Variants in EVC2 observed in about 807,000 individuals in gnomAD.
EVC2 encodes limbin.
A neutral mutation model predicts 149.3 loss-of-function variants in EVC2; 148 were observed. That is an observed-to-expected ratio of 0.99 (90% confidence interval 0.87 to 1.14). The LOEUF is 1.14. Ranked by LOEUF, EVC2 falls within the 50% of genes most tolerant of loss-of-function variation. EVC2 has a pLI of 0.00. For missense variants in EVC2, 1,854 were observed against 1,627.3 expected, an observed-to-expected ratio of 1.14 and a Z score of -2.40; for synonymous variants, 776 against 649.9, an observed-to-expected ratio of 1.19 and a Z score of -2.95.
rs143017529 is a variant in EVC2, at chr4:5,658,321, T to C, written c.1145+4786A>G. ...AAGTGAACAAAGAACCTTGGATGAG[T>C]TGTTTAACTTCCCTGGGCTTCAAGT... On this transcript the variant is annotated intron_variant, in intron 9 of 21. Transcript: ENST00000344408. 2.0e-3 allele frequency among the ~76,000 whole-genome samples: 305 copies of C among 152,268 alleles called. 8 individuals are homozygous for C. The East Asian group carries it at 0.053, about 27-fold the overall frequency.
intron 7 of EVC2, among the ~76,000 whole-genome samples, chr4:5,665,910 G>A (rs1011987406): frequency 6.6e-6 from 1 of 152,108 alleles, no homozygotes; most frequent in Non-Finnish European, 1.5e-5. Context: ...CCAGCCGCAC[G>A]CCTAGCACAT....
chr4:5,564,054 G>C (rs144270708), intron 21 of EVC2, among the ~76,000 whole-genome samples: 20 of 152,042 alleles, frequency 1.3e-4, no homozygotes, highest in African/African-American at 4.1e-4. Flanking sequence ...AGCAGGGCAG[G>C]ACAAGGCCAT....
intron 17 of EVC2, among the ~76,000 whole-genome samples, chr4:5,581,043 G>GT (rs1235450168): frequency 2.0e-5 from 3 of 152,136 alleles, no homozygotes; most frequent in African/African-American, 4.8e-5. Flanking sequence ...TGCCATAATT[G>GT]TAAGTTTCCT....
At chr4:5,561,261 ACTTATGGCC>A (rs2108763774), downstream of EVC2, among the ~76,000 whole-genome samples, 1 of 152,312 alleles carries the variant, frequency 6.6e-6, no homozygotes, top group South Asian at 2.1e-4. Context: ...TTGCCCAAGA[ACTTATGGCC>A]CTTAAGTAGT....
chr4:5,641,615 G>A (rs962261774), intron 9 of EVC2, among the ~76,000 whole-genome samples: 3 of 152,030 alleles, frequency 2.0e-5, no homozygotes, highest in Admixed American at 2.0e-4. Context: ...TTTATGATAT[G>A]TTAATCATAC....
intron 21 of EVC2, among the ~76,000 whole-genome samples, chr4:5,546,706 A>G (rs1161180728): frequency 2.6e-5 from 4 of 151,494 alleles, no homozygotes; most frequent in African/African-American, 9.8e-5. Context: ...CCTAAAACTT[A>G]AAGTATAATA....
chr4:5,627,532 C>T (rs924041529), intron 12 of EVC2, among the ~76,000 whole-genome samples: 2 of 152,122 alleles, frequency 1.3e-5, no homozygotes, highest in South Asian at 2.1e-4. Flanking sequence ...TACCTAGTAG[C>T]GGAACCACAG....
intron 1 of EVC2, among the ~76,000 whole-genome samples, chr4:5,706,254 C>G (rs921099606): frequency 1.5e-4 from 22 of 150,868 alleles, no homozygotes; most frequent in Middle Eastern, 3.5e-3. Flanking sequence ...TCTCCCAGCC[C>G]CCTGCACACA....
chr4:5,545,355 A>C (rs28462096), intron 21 of EVC2, among the ~76,000 whole-genome samples: 1 of 152,356 alleles, frequency 6.6e-6, no homozygotes, highest in African/African-American at 2.4e-5. Context: ...CTTCCGAGTC[A>C]GACAGATGAG....
chr4:5,693,512 G>A (rs1553852324), intron 3 of EVC2, among the ~76,000 whole-genome samples: 1 of 152,238 alleles, frequency 6.6e-6, no homozygotes, highest in Non-Finnish European at 1.5e-5. Context: ...GCCACCAGAA[G>A]CTGGAAGAGG....
chr4:5,583,541 G>T (rs1363279992), intron 17 of EVC2, among the ~76,000 whole-genome samples: 2 of 151,958 alleles, frequency 1.3e-5, no homozygotes, highest in African/African-American at 2.4e-5. Flanking sequence ...TGGCAAGAGG[G>T]TTATCAGACT....
intron 4 of EVC2, among the ~76,000 whole-genome samples, chr4:5,689,865 C>A (rs1305656958): frequency 6.6e-6 from 1 of 152,214 alleles, no homozygotes; most frequent in Non-Finnish European, 1.5e-5. Flanking sequence ...GCGGCCCATG[C>A]AACAGGCTCA....
intron 7 of EVC2, among the ~76,000 whole-genome samples, chr4:5,678,229 T>C (rs1165823710): frequency 1.3e-5 from 2 of 152,144 alleles, no homozygotes; most frequent in Non-Finnish European, 2.9e-5. Context: ...TCTGGGAGTC[T>C]GGAATCTTGG....
downstream of EVC2, among the ~76,000 whole-genome samples, chr4:5,561,590 G>A (rs1721962032): frequency 6.6e-6 from 1 of 152,168 alleles, no homozygotes; most frequent in African/African-American, 2.4e-5. Flanking sequence ...ATGGGAAACT[G>A]CAAATAAGAC....
intron 9 of EVC2, among the ~76,000 whole-genome samples, chr4:5,658,675 G>A (rs1433611038): frequency 5.3e-5 from 8 of 152,112 alleles, no homozygotes; most frequent in Admixed American, 1.3e-4. Context: ...AAAGCTGTTC[G>A]GTCAGTAGAA....
At chr4:5,704,966 T>G (rs1356176005) in intron 1 of EVC2, among the ~76,000 whole-genome samples, 1 of 152,146 alleles carries the variant, frequency 6.6e-6, no homozygotes, top group Non-Finnish European at 1.5e-5. Flanking sequence ...TGACTTAGCC[T>G]CCCAAAGTGT....
At chr4:5,707,635 G>A (rs1364340817) in intron 1 of EVC2, among the ~76,000 whole-genome samples, 5 of 152,084 alleles carry the variant, frequency 3.3e-5, no homozygotes, top group Non-Finnish European at 7.4e-5. Flanking sequence ...CCAGGGAGTG[G>A]CAGTGGGGAG....
chr4:5,538,881 G>A (rs116005393), downstream of EVC2, among the ~76,000 whole-genome samples: 24 of 152,208 alleles, frequency 1.6e-4, no homozygotes, highest in East Asian at 3.9e-4. Flanking sequence ...GTGAACAACC[G>A]AATCGAAACT....
At chr4:5,612,430 T>C (rs1714892264) in intron 16 of EVC2, among the ~76,000 whole-genome samples, 1 of 152,190 alleles carries the variant, frequency 6.6e-6, no homozygotes, top group African/African-American at 2.4e-5. Flanking sequence ...TGACTAGTTT[T>C]GGCCAAAAAG....
Sources: gnomAD v4.1 joint callset for allele counts (sites outside exome capture counted in the v4.1 genomes callset) on GRCh38, gnomAD v4.1.1 for gene constraint, MANE v1.5 for transcripts, NCBI Gene and HGNC (gene_info 2026-07-23, HGNC 2026-07-21) for gene names.